The following SUPT3H variants were observed in gnomAD, a reference collection of about 807,000 sequenced individuals.
SUPT3H encodes transcription initiation protein SPT3 homolog.
In SUPT3H, 44 loss-of-function variants were observed where a neutral mutation model predicts 44.3. That is an observed-to-expected ratio of 0.99 (90% CI 0.78 to 1.28). The LOEUF (loss-of-function observed/expected upper bound fraction) is 1.28, where lower values mean the gene tolerates loss of function less well. Ranked by LOEUF, SUPT3H falls within the 50% of genes most tolerant of loss-of-function variation. The pLI is 0.00. For synonymous variants in SUPT3H, 124 were observed against 125.6 expected, an observed-to-expected ratio of 0.99 and a Z score of 0.09; for missense variants, 380 against 387.1, an observed-to-expected ratio of 0.98 and a Z score of 0.15.
intron 2 of SUPT3H, among the ~76,000 whole-genome samples, chr6:45,283,155 G>A (rs1031186473): frequency 1.3e-5 from 2 of 152,030 alleles, no homozygotes; most frequent in South Asian, 2.1e-4. Context: ...AGACCATCGA[G>A]GCTAGGAAAA....
chr6:44,958,870 T>TG (rs1562137289), intron 7 of SUPT3H, among the ~76,000 whole-genome samples: 2 of 108,104 alleles, frequency 1.9e-5, no homozygotes, highest in Non-Finnish European at 3.7e-5. Context: ...TACTTATCAA[T>TG]GGTTTTTTTT....
chr6:45,252,602 A>C (rs1234346967), intron 2 of SUPT3H, among the ~76,000 whole-genome samples: 1 of 152,124 alleles, frequency 6.6e-6, no homozygotes, highest in Non-Finnish European at 1.5e-5. Flanking sequence ...TAAATTTGAA[A>C]GGGTTAAGAG....
At chr6:44,937,617 C>T (rs1771674633) in intron 9 of SUPT3H, among the ~76,000 whole-genome samples, 1 of 152,054 alleles carries the variant, frequency 6.6e-6, no homozygotes, top group Admixed American at 6.6e-5. Flanking sequence ...TTAATAATAG[C>T]CATTCTGATT....
chr6:44,841,668 TAAAG>T (rs1433584727), intron 10 of SUPT3H, among the ~76,000 whole-genome samples: 2 of 152,156 alleles, frequency 1.3e-5, no homozygotes, highest in Non-Finnish European at 2.9e-5. Flanking sequence ...CTGAAAAACA[TAAAG>T]AAAAATCAGT....
chr6:45,248,630 C>A (rs769731432), intron 2 of SUPT3H, among the ~76,000 whole-genome samples: 89 of 152,052 alleles, frequency 5.9e-4, no homozygotes, highest in Non-Finnish European at 1.0e-3. Flanking sequence ...TTAGAACTCT[C>A]ATACATTGGT....
Position 45,023,104 on chromosome 6 carries a change from A to C in SUPT3H, c.187-2472T>G, listed in dbSNP as rs561790818. On this transcript the variant is annotated intron_variant, in intron 3 of 10. Coordinates refer to ENST00000371459, the MANE Select transcript of SUPT3H (RefSeq NM_003599.4). ...AACAGGTGAGCATTAAAAAGTGGGC[A>C]AAGGAGAAGAACAGACACTTTTCCA... Among the ~76,000 whole-genome samples, 14 of 152,252 alleles carry C rather than the reference A, an allele frequency of 9.2e-5. No homozygotes were observed. The East Asian group carries it at 2.7e-3, about 29-fold the overall frequency.
intron 2 of SUPT3H, among the ~76,000 whole-genome samples, chr6:45,298,494 T>C (rs905502481): frequency 1.3e-5 from 2 of 151,872 alleles, no homozygotes; most frequent in African/African-American, 4.8e-5. Context: ...CTAACACATA[T>C]GAAGAATATT....
At chr6:45,325,054 C>CA (rs781538420) in intron 2 of SUPT3H, among the ~76,000 whole-genome samples, 8 of 151,158 alleles carry the variant, frequency 5.3e-5, no homozygotes, top group African/African-American at 1.5e-4. Context: ...GAAAAATTGT[C>CA]AAAAAAAAGT....
At chr6:44,926,216 A>G (rs1308617353) in intron 10 of SUPT3H, among the ~76,000 whole-genome samples, 1 of 152,116 alleles carries the variant, frequency 6.6e-6, no homozygotes, top group Non-Finnish European at 1.5e-5. Flanking sequence ...ATATTAGATA[A>G]AAATGTAGAA....
intron 2 of SUPT3H, among the ~76,000 whole-genome samples, chr6:45,329,298 C>T (rs1173078319): frequency 6.6e-6 from 1 of 151,900 alleles, no homozygotes; most frequent in African/African-American, 2.4e-5. Context: ...ACCAGCTCAA[C>T]TAAAAGAAAT....
chr6:45,251,114 C>G (rs1359368337), intron 2 of SUPT3H: 1 of 151,998 alleles, frequency 6.6e-6, no homozygotes, highest in Non-Finnish European at 1.5e-5. Context: ...CCAGCCAGGA[C>G]TTCTCAACAG....
intron 10 of SUPT3H, among the ~76,000 whole-genome samples, chr6:44,870,757 G>C (rs1776273391): frequency 6.6e-6 from 1 of 151,042 alleles, no homozygotes; most frequent in Non-Finnish European, 1.5e-5. Context: ...TCACTAGGGA[G>C]TGCCAGAGAG....
chr6:45,345,000 T>A (rs1376733245), intron 2 of SUPT3H, among the ~76,000 whole-genome samples: 1 of 152,154 alleles, frequency 6.6e-6, no homozygotes, highest in Non-Finnish European at 1.5e-5. Flanking sequence ...CCTAGCTGAA[T>A]CAGAATTTAG....
At chr6:45,017,285 T>C (rs1434605570) in intron 4 of SUPT3H, among the ~76,000 whole-genome samples, 6 of 149,516 alleles carry the variant, frequency 4.0e-5, no homozygotes, top group Admixed American at 1.3e-4. Context: ...TTTTCTCCCA[T>C]TTTGTAGGTT....
At position 45,050,192 on chromosome 6, in the gene SUPT3H, T is replaced by C. The variant is rs542121433; in HGVS notation, c.187-29560A>G. On this transcript the variant is annotated intron_variant, in intron 3 of 10. Coordinates refer to ENST00000371459, the MANE Select transcript of SUPT3H (RefSeq NM_003599.4). ...AAGCCACTGCAGCAGATTATCTAGG[T>C]AAGCTATAGCTTAAGAAACAGGATA... Among the ~76,000 whole-genome samples, 5 of 152,128 alleles carry C rather than the reference T, an allele frequency of 3.3e-5. No individual in the cohort carries two copies. The East Asian group carries it at 9.7e-4, about 29-fold the overall frequency.
chr6:44,937,995 C>T (rs535838500), intron 9 of SUPT3H, among the ~76,000 whole-genome samples: 6 of 149,628 alleles, frequency 4.0e-5, no homozygotes, highest in East Asian at 1.9e-4. Context: ...CTGCAACCTC[C>T]GCCTCCTGGG....
chr6:45,162,023 G>C (rs1028046047), intron 2 of SUPT3H, among the ~76,000 whole-genome samples: 5 of 134,618 alleles, frequency 3.7e-5, no homozygotes, highest in Non-Finnish European at 6.5e-5. Context: ...TAACTCTTCA[G>C]AACATGTTTA....
Position 45,377,845 on chromosome 6 carries a change from G to T in SUPT3H, c.-78C>A, listed in dbSNP as rs1797044238. 1 of 154,480 alleles carries T rather than the reference G, an allele frequency of 6.5e-6. No homozygotes were observed. Among genetic ancestry groups the T allele is most frequent in the Non-Finnish European group, 1.4e-5 (1 of 69,716 alleles). The allele number at this position is 154,480 out of a possible 1,614,324, so 9.6% of individuals were successfully genotyped here. ...TGGGGGTGGAGATGGTGCGGTTTCT[G>T]CTGCTGCGGCCCGGGACACGCTTGG... On this transcript the variant is annotated 5_prime_UTR_variant, in exon 1 of 11. Transcript: ENST00000371459.
At chr6:44,842,131 G>T (rs1771044252) in intron 10 of SUPT3H, among the ~76,000 whole-genome samples, 1 of 152,190 alleles carries the variant, frequency 6.6e-6, no homozygotes, top group African/African-American at 2.4e-5. Context: ...CAGAGTGTGG[G>T]TGCTGAAATT....
Sources: gnomAD v4.1 joint callset for allele counts (sites outside exome capture counted in the v4.1 genomes callset) on GRCh38, gnomAD v4.1.1 for gene constraint, MANE v1.5 for transcripts, NCBI Gene and HGNC (gene_info 2026-07-23, HGNC 2026-07-21) for gene names.